Variants in NRG3 observed in about 807,000 individuals in gnomAD.
NRG3 encodes pro-neuregulin-3, membrane-bound isoform.
A neutral mutation model predicts 66.9 loss-of-function variants in NRG3; 31 were observed. That is an observed-to-expected ratio of 0.46 (90% CI 0.35 to 0.63). The LOEUF is 0.63. Among genes scored for constraint, NRG3 ranks in the 20% least tolerant of loss-of-function variants. The pLI, the probability that NRG3 is intolerant of heterozygous loss-of-function variation, is 0.00. For missense variants in NRG3, 910 were observed against 878.9 expected (o/e 1.04, Z -0.45); for synonymous variants, 393 against 359.4 (o/e 1.09, Z -1.06).
At chr10:82,566,578 A>G (rs1288528358) in intron 2 of NRG3, among the ~76,000 whole-genome samples, 3 of 152,074 alleles carry the variant, frequency 2.0e-5, no homozygotes, top group South Asian at 2.1e-4. Context: ...TTAATAAATT[A>G]CCCATTGGGA....
At chr10:82,450,066 T>C (rs1164738590) in intron 2 of NRG3, among the ~76,000 whole-genome samples, 1 of 152,318 alleles carries the variant, frequency 6.6e-6, no homozygotes, top group East Asian at 1.9e-4. Context: ...TGTAGAAAAA[T>C]AAGTTTGAGA....
At chr10:82,686,611 C>A (rs1198313684) in intron 2 of NRG3, among the ~76,000 whole-genome samples, 1 of 152,140 alleles carries the variant, frequency 6.6e-6, no homozygotes, top group Admixed American at 6.5e-5. Context: ...GATGATGGGA[C>A]TTTTTCAGCT....
At chr10:82,182,562 A>G (rs2073501886) in intron 1 of NRG3, among the ~76,000 whole-genome samples, 1 of 151,836 alleles carries the variant, frequency 6.6e-6, no homozygotes, top group Non-Finnish European at 1.5e-5. Context: ...GATACCACAA[A>G]TTACATCTTT....
intron 1 of NRG3, among the ~76,000 whole-genome samples, chr10:81,898,614 T>A (rs879461752): frequency 6.6e-6 from 1 of 152,164 alleles, no homozygotes; most frequent in Non-Finnish European, 1.5e-5. Flanking sequence ...TGATGTAAAA[T>A]ATTTCAGCAT....
chr10:82,383,171 G>T (rs1164550301), intron 2 of NRG3, among the ~76,000 whole-genome samples: 1 of 151,884 alleles, frequency 6.6e-6, no homozygotes, highest in Non-Finnish European at 1.5e-5. Flanking sequence ...GTTTTCGGTA[G>T]GGTAATTTTT....
chr10:82,277,173 T>TG (rs11420637), intron 1 of NRG3, among the ~76,000 whole-genome samples: 2 of 113,572 alleles, frequency 1.8e-5, no homozygotes, highest in African/African-American at 1.6e-4. Flanking sequence ...TTTTTATGTC[T>TG]TTTGAAGCCT....
intron 2 of NRG3, among the ~76,000 whole-genome samples, chr10:82,704,748 A>C (rs1005051532): frequency 6.6e-6 from 1 of 152,318 alleles, no homozygotes; most frequent in Non-Finnish European, 1.5e-5. Flanking sequence ...AAATTTTGCA[A>C]ATATTACCTC....
intron 3 of NRG3, among the ~76,000 whole-genome samples, chr10:82,827,655 G>A (rs929277198): frequency 3.3e-5 from 5 of 152,110 alleles, no homozygotes; most frequent in African/African-American, 2.4e-5. Flanking sequence ...CAAAATCTCA[G>A]AATAGCTTTC....
At chr10:82,255,739 A>G (rs2077694124) in intron 1 of NRG3, among the ~76,000 whole-genome samples, 1 of 151,816 alleles carries the variant, frequency 6.6e-6, no homozygotes. Context: ...AGTAGCTGGG[A>G]TTACAGGCAT....
At chr10:82,160,116 A>G (rs182807034) in intron 1 of NRG3, among the ~76,000 whole-genome samples, 18 of 152,122 alleles carry the variant, frequency 1.2e-4, no homozygotes, top group African/African-American at 4.1e-4. Context: ...ATGGTTGACA[A>G]GTGTGAATTT....
intron 2 of NRG3, among the ~76,000 whole-genome samples, chr10:82,721,337 A>C (rs1282652733): frequency 1.3e-5 from 2 of 149,762 alleles, no homozygotes; most frequent in Non-Finnish European, 3.0e-5. Context: ...GCGGTGTTTC[A>C]CTATGGTAGC....
chr10:82,472,933 C>A (rs1206763885), intron 2 of NRG3, among the ~76,000 whole-genome samples: 1 of 152,206 alleles, frequency 6.6e-6, no homozygotes, highest in Non-Finnish European at 1.5e-5. Context: ...CCACTCTTCA[C>A]TAAGGGAAGG....
chr10:82,131,107 A>G (rs2068788221), intron 1 of NRG3, among the ~76,000 whole-genome samples: 1 of 152,190 alleles, frequency 6.6e-6, no homozygotes, highest in South Asian at 2.1e-4. Context: ...TTACTCAAGC[A>G]ATATTTACTC....
At chr10:81,964,022 A>G (rs2059631181) in intron 1 of NRG3, among the ~76,000 whole-genome samples, 1 of 152,176 alleles carries the variant, frequency 6.6e-6, no homozygotes, top group Non-Finnish European at 1.5e-5. Flanking sequence ...TGTTTATAAA[A>G]TTTCAAGCAA....
At chr10:82,613,720 G>T (rs2048456066) in intron 2 of NRG3, among the ~76,000 whole-genome samples, 1 of 150,562 alleles carries the variant, frequency 6.6e-6, no homozygotes, top group African/African-American at 2.4e-5. Flanking sequence ...AAGTTTTAGG[G>T]TACATGTGCA....
chr10:82,606,697 T>C (rs1487493558), intron 2 of NRG3, among the ~76,000 whole-genome samples: 1 of 152,182 alleles, frequency 6.6e-6, no homozygotes, highest in Non-Finnish European at 1.5e-5. Context: ...AGCTGCTGCA[T>C]AACCCAGAGT....
rs564062107 is a variant in NRG3 at position 82,398,472 on chromosome 10, A to T, written c.953+39604A>T. 2.0e-5 allele frequency among the ~76,000 whole-genome samples: 3 copies of T among 150,800 alleles called. No individual in the cohort carries two copies. The South Asian group carries it at 6.3e-4, about 31-fold the overall frequency. On this transcript the variant is annotated intron_variant, in intron 2 of 8. Coordinates refer to ENST00000372141, the MANE Select transcript of NRG3 (RefSeq NM_001010848.4). ...ACTTTGGTTCCAACTGGGATCTTCT[A>T]GTCATCTTGGCTTCGTGTATGTGTG...
chr10:82,588,746 C>T (rs1354476140), intron 2 of NRG3, among the ~76,000 whole-genome samples: 2 of 152,130 alleles, frequency 1.3e-5, no homozygotes, highest in Non-Finnish European at 2.9e-5. Flanking sequence ...CATGATCTGC[C>T]CACCTCGGCC....
At chr10:82,721,274 G>C (rs2057302380) in intron 2 of NRG3, among the ~76,000 whole-genome samples, 1 of 150,362 alleles carries the variant, frequency 6.7e-6, no homozygotes, top group Non-Finnish European at 1.5e-5. Context: ...TGGGACTACA[G>C]GTGCCCTCCA....
Sources: allele counts gnomAD v4.1 joint callset (sites outside exome capture counted in the v4.1 genomes callset), GRCh38; gene constraint gnomAD v4.1.1; transcripts MANE v1.5; gene names NCBI Gene and HGNC (gene_info 2026-07-23, HGNC 2026-07-21).